KLKB1: variants seen among roughly 807,000 people sequenced by gnomAD.
KLKB1 encodes the protein kallikrein B1.
In KLKB1, 58 loss-of-function variants were observed where a neutral mutation model predicts 73.6. The observed-to-expected ratio is 0.79, with a 90% CI of 0.64 to 0.98. The LOEUF (loss-of-function observed/expected upper bound fraction) is 0.98, where lower values mean the gene tolerates loss of function less well. KLKB1 is among the 50% of genes least tolerant of loss of function. The pLI is 0.00. For synonymous variants in KLKB1, 280 were observed against 258.1 expected, an observed-to-expected ratio of 1.08 and a Z score of -0.81; for missense variants, 737 against 763.8, an observed-to-expected ratio of 0.96 and a Z score of 0.41.
At chr4:186,241,790 C>T (rs552827939) in intron 6 of KLKB1, among the ~76,000 whole-genome samples, 11 of 152,234 alleles carry the variant, frequency 7.2e-5, no homozygotes, top group East Asian at 3.9e-4. Context: ...GGTTTCTGTT[C>T]GGAGGCTAAC....
At chr4:186,228,787 C>A (rs1348638585) in intron 2 of KLKB1, 2 of 152,348 alleles carry the variant, frequency 1.3e-5, no homozygotes, top group East Asian at 1.9e-4. Context: ...GCTTTCAACA[C>A]CAGATTTAGA....
At position 186,238,239 on chromosome 4, in the gene KLKB1, C is replaced by T. The variant is rs1737800664; in HGVS notation, c.489-17C>T. 6.4e-7 allele frequency: 1 copy of T among 1,557,574 alleles called. No individual in the cohort carries two copies. Among genetic ancestry groups the T allele is most frequent in the South Asian group, 1.1e-5 (1 of 89,926 alleles). On this transcript the variant is annotated splice_polypyrimidine_tract_variant and intron_variant, in intron 5 of 14. Transcript: ENST00000264690. ...CAAAGTGCAGAAAGCAAAGTAACCT[C>T]TTTTCTTCCCATTCAGGAACAATTG...
intron 6 of KLKB1, among the ~76,000 whole-genome samples, chr4:186,239,311 C>A (rs1737881834): frequency 1.3e-5 from 2 of 148,282 alleles, no homozygotes; most frequent in South Asian, 2.2e-4. Context: ...AGTTATAGGA[C>A]AGTGATATAG....
At chr4:186,251,434 G>A in intron 8 of KLKB1, 53 bp from the exon 9 acceptor site, 1 of 1,576,192 alleles carries the variant, frequency 6.3e-7, no homozygotes, top group South Asian at 1.1e-5. Flanking sequence ...TTGTGTAAAT[G>A]TCGTTCATTG....
intron 5 of KLKB1, 68 bp from the exon 6 acceptor site, chr4:186,238,188 T>C: frequency 2.0e-6 from 2 of 976,888 alleles, no homozygotes; most frequent in Admixed American, 1.7e-5. Context: ...TAATACTAAC[T>C]GTTACCTGCA....
At chr4:186,215,518 G>A (rs1444522545) in intron 2 of KLKB1, among the ~76,000 whole-genome samples, 1 of 149,942 alleles carries the variant, frequency 6.7e-6, no homozygotes, top group African/African-American at 2.5e-5. Context: ...TCAAGCCCAA[G>A]TTTTAAGTTT....
At position 186,242,267 on chromosome 4, in the gene KLKB1, A is replaced by G. The variant is rs187133740; in HGVS notation, c.598+3902A>G. Among the ~76,000 whole-genome samples the G allele has an allele frequency of 1.8e-3, 276 of 152,232 alleles. 1 individual carries two copies. The highest frequency in any genetic ancestry group is 6.5e-3 in the African/African-American group (268 of 41,548). On this transcript the variant is annotated intron_variant, in intron 6 of 14. Transcript: ENST00000264690. Reference sequence around the variant, plus strand: ...ATTTTCACTTCTTTTGTCTTTCTTCAGTTACTTCAGGTCATCTAGATGTAT... The same window carrying G: ...ATTTTCACTTCTTTTGTCTTTCTTCGGTTACTTCAGGTCATCTAGATGTAT...
At chr4:186,253,416 T>C (rs1738815985) in intron 11 of KLKB1, among the ~76,000 whole-genome samples, 1 of 152,178 alleles carries the variant, frequency 6.6e-6, no homozygotes, top group African/African-American at 2.4e-5. Flanking sequence ...GTGAAGGGGC[T>C]CTGCCATACA....
intron 4 of KLKB1, among the ~76,000 whole-genome samples, chr4:186,236,373 T>G (rs1737693192): frequency 6.6e-6 from 1 of 152,202 alleles, no homozygotes; most frequent in African/African-American, 2.4e-5. Context: ...ATAGAGAAGC[T>G]CTTTCATTCA....
chr4:186,242,709 A>G (rs1025258953), intron 6 of KLKB1, among the ~76,000 whole-genome samples: 14 of 152,168 alleles, frequency 9.2e-5, no homozygotes, highest in African/African-American at 3.1e-4. Flanking sequence ...AAGGGGGTTC[A>G]GTGTAATTAC....
chr4:186,222,392 G>T (rs58370149), upstream of KLKB1, among the ~76,000 whole-genome samples: 1 of 151,982 alleles, frequency 6.6e-6, no homozygotes, highest in Admixed American at 6.6e-5. Flanking sequence ...GGAGCAATTT[G>T]CTTTGGTTCC....
chr4:186,245,811 TG>T (rs112423579), intron 6 of KLKB1, among the ~76,000 whole-genome samples: 28,544 of 113,742 alleles, frequency 0.25, 6,356 homozygotes, highest in East Asian at 0.45. Flanking sequence ...AGTTTTTTTT[TG>T]TTTGTTTTTT....
intron 6 of KLKB1, among the ~76,000 whole-genome samples, chr4:186,239,362 A>T (rs1222034433): frequency 6.6e-6 from 1 of 151,400 alleles, no homozygotes; most frequent in African/African-American, 2.4e-5. Context: ...TAGTACAGTG[A>T]TACTGTTAGA....
At chr4:186,248,933 G>A (rs940987144) in intron 6 of KLKB1, among the ~76,000 whole-genome samples, 2 of 152,084 alleles carry the variant, frequency 1.3e-5, no homozygotes, top group East Asian at 3.9e-4. Context: ...ACAATGTTGT[G>A]TATCTTTTCG....
intron 6 of KLKB1, among the ~76,000 whole-genome samples, chr4:186,245,832 T>TTTTTTTTTTTTTTTTTTG (rs1738315216): frequency 7.1e-6 from 1 of 140,340 alleles, no homozygotes; most frequent in Non-Finnish European, 1.6e-5. Flanking sequence ...TGGTTTTTTT[T>TTTTTTTTTTTTTTTTTTG]TTTTAATGTC....
chr4:186,231,202 A>G (rs563471357), intron 2 of KLKB1, among the ~76,000 whole-genome samples: 9 of 152,346 alleles, frequency 5.9e-5, no homozygotes, highest in African/African-American at 2.2e-4. Context: ...AAGAGTAACT[A>G]CTGCCCCAGG....
chr4:186,238,603 G>A (rs777034056), intron 6 of KLKB1, among the ~76,000 whole-genome samples: 2 of 152,186 alleles, frequency 1.3e-5, no homozygotes, highest in East Asian at 1.9e-4. Context: ...AGAGAGAGGC[G>A]GAAGGCTCAG....
chr4:186,218,645 TGTGTGTGC>T (rs889080407), intron 2 of KLKB1, among the ~76,000 whole-genome samples: 8 of 142,894 alleles, frequency 5.6e-5, no homozygotes, highest in Admixed American at 7.1e-5. Flanking sequence ...TGTGTGTGTG[TGTGTGTGC>T]GCATGTGTGT....
intron 6 of KLKB1, among the ~76,000 whole-genome samples, chr4:186,249,569 T>C (rs1480064645): frequency 6.6e-6 from 1 of 152,176 alleles, no homozygotes; most frequent in Non-Finnish European, 1.5e-5. Flanking sequence ...ATTTTGTCCT[T>C]TTTCAAGATT....
Sources: allele counts gnomAD v4.1 joint callset (sites outside exome capture counted in the v4.1 genomes callset), GRCh38; gene constraint gnomAD v4.1.1; transcripts MANE v1.5; gene names NCBI Gene and HGNC (gene_info 2026-07-23, HGNC 2026-07-21).